The following IBTK variants were observed in gnomAD, a reference collection of about 807,000 sequenced individuals.
The protein encoded by IBTK is inhibitor of Bruton tyrosine kinase, also known as BTK-binding protein.
A neutral mutation model predicts 154.9 loss-of-function variants in IBTK; 83 were observed. The observed-to-expected ratio is 0.54, with a 90% confidence interval of 0.45 to 0.64. The LOEUF (loss-of-function observed/expected upper bound fraction) is 0.64, where lower values mean the gene tolerates loss of function less well. Ranked by LOEUF, IBTK falls within the 30% of genes least tolerant of loss-of-function variation. The pLI is 0.00. For synonymous variants in IBTK, 515 were observed against 536.1 expected (o/e 0.96, Z 0.54); for missense variants, 1,332 against 1,584.6 (o/e 0.84, Z 2.71).
At chr6:82,221,508 C>G (rs942106967) in intron 8 of IBTK, among the ~76,000 whole-genome samples, 1 of 152,140 alleles carries the variant, frequency 6.6e-6, no homozygotes, top group Non-Finnish European at 1.5e-5. Flanking sequence ...TTCAGTAACT[C>G]ATTCATTAGC....
intron 2 of IBTK, among the ~76,000 whole-genome samples, chr6:82,239,351 G>C (rs1013970125): frequency 6.6e-6 from 1 of 152,040 alleles, no homozygotes; most frequent in Admixed American, 6.6e-5. Context: ...GCTGGGGCAG[G>C]AGAATGGTGT....
chr6:82,181,524 G>A (rs1371808024), intron 26 of IBTK, among the ~76,000 whole-genome samples: 1 of 152,052 alleles, frequency 6.6e-6, no homozygotes, highest in Non-Finnish European at 1.5e-5. Context: ...CTTGGGAGGG[G>A]GAAACAGAAG....
At chr6:82,190,678 TATAA>T (rs1348362737) in intron 25 of IBTK, among the ~76,000 whole-genome samples, 2 of 152,180 alleles carry the variant, frequency 1.3e-5, no homozygotes, top group East Asian at 3.9e-4. Flanking sequence ...ATTAGCGTAG[TATAA>T]ATAAAGTTTT....
intron 17 of IBTK, among the ~76,000 whole-genome samples, chr6:82,203,221 T>C (rs995464723): frequency 2.0e-5 from 3 of 152,140 alleles, no homozygotes; most frequent in Admixed American, 1.3e-4. Context: ...AAAAATCTGA[T>C]ATACTGTGCA....
chr6:82,236,162 C>T lies in IBTK; in HGVS notation c.322-1907G>A, dbSNP rs189536272. The stretch of plus-strand genomic sequence containing the variant: ...GTGCTGGAATTACAGTTGTGAGCCA[C>T]CATGCCCGGCCATTGTTCATTAATT... On this transcript the variant is annotated intron_variant, in intron 2 of 28. Coordinates refer to ENST00000306270, the MANE Select transcript of IBTK (RefSeq NM_015525.4). Among the ~76,000 whole-genome samples the T allele has an allele frequency of 1.1e-3, 173 of 152,314 alleles. 1 individual carries two copies. The highest frequency in any genetic ancestry group is 4.1e-3 in the African/African-American group (171 of 41,570).
chr6:82,237,767 A>G (rs898679804), intron 2 of IBTK, among the ~76,000 whole-genome samples: 2 of 151,596 alleles, frequency 1.3e-5, no homozygotes, highest in Admixed American at 1.3e-4. Context: ...TATAATAAAA[A>G]TTATTCTTAT....
intron 18 of IBTK, among the ~76,000 whole-genome samples, chr6:82,201,882 C>T (rs369817196): frequency 2.0e-5 from 3 of 152,016 alleles, no homozygotes; most frequent in African/African-American, 2.4e-5. Flanking sequence ...CACACAATCA[C>T]GCTCGGCTAA....
rs1769932196 is a variant in IBTK, at chr6:82,217,952, G to T, written c.1426+8C>A. 1 of 1,574,152 alleles carries T rather than the reference G, an allele frequency of 6.4e-7. No homozygotes were observed. Among genetic ancestry groups the T allele is most frequent in the South Asian group, 1.2e-5 (1 of 84,648 alleles). On this transcript the variant is annotated splice_region_variant and intron_variant, in intron 10 of 28. Transcript: ENST00000306270. Reference sequence around the variant, plus strand: ...TACTTTTACGTATTGTTCAATATATGAACTGACCTTTCTTTTCAGAACTCT... The same window carrying T: ...TACTTTTACGTATTGTTCAATATATTAACTGACCTTTCTTTTCAGAACTCT...
At position 82,225,367 on chromosome 6, in the gene IBTK, G is replaced by A. The variant is rs1319827292; in HGVS notation, c.825+110C>T. ...GACAGTATATACCACTGAAGATAAA[G>A]TTAAATAACAGAAATAAAATAAGTT... On this transcript the variant is annotated intron_variant, in intron 6 of 28. Transcript: ENST00000306270. 21 of 719,238 alleles carry A rather than the reference G, an allele frequency of 2.9e-5. No individual in the cohort carries two copies. The African/African-American group carries it at 3.8e-4, about 13-fold the overall frequency. The allele number at this position is 719,238 out of a possible 1,614,324, so 44.6% of individuals were successfully genotyped here. A position where few individuals can be genotyped will look rare whatever the true frequency, so the allele number is the denominator to read the frequency against.
chr6:82,172,731 A>AT (rs1767970294), intron 27 of IBTK: 2 of 464,828 alleles, frequency 4.3e-6, no homozygotes, highest in Middle Eastern at 5.7e-4. Flanking sequence ...CAATGCTACA[A>AT]TTTTTTCCAG....
intron 26 of IBTK, chr6:82,174,805 C>G: frequency 2.8e-6 from 1 of 360,820 alleles, no homozygotes; most frequent in Non-Finnish European, 5.4e-6. Flanking sequence ...TATAATTTGT[C>G]TGATTAACAA....
chr6:82,245,530 C>T (rs1181586672), intron 1 of IBTK, among the ~76,000 whole-genome samples: 3 of 152,036 alleles, frequency 2.0e-5, no homozygotes, highest in Non-Finnish European at 4.4e-5. Context: ...GCACTCCAGC[C>T]TGAGCGACTG....
At chr6:82,204,809 C>T (rs1284528147) in intron 17 of IBTK, 48 bp downstream of exon 17, 1 of 1,176,880 alleles carries the variant, frequency 8.5e-7, no homozygotes, top group East Asian at 2.5e-5. Flanking sequence ...TACAGTAATC[C>T]TTGATGAACC....
chr6:82,231,991 A>T (rs183034783), intron 3 of IBTK, 149 bp from the exon 4 acceptor site: 58 of 511,214 alleles, frequency 1.1e-4, no homozygotes, highest in African/African-American at 8.1e-4. Flanking sequence ...AGAAAATCCA[A>T]ATCATAGTAC....
chr6:82,220,820 G>A, intron 8 of IBTK, 107 bp from the exon 9 acceptor site: 2 of 900,340 alleles, frequency 2.2e-6, no homozygotes, highest in Non-Finnish European at 3.2e-6. Flanking sequence ...CAATTATTGT[G>A]AAGGTGAAGT....
At chr6:82,188,341 T>C (rs1768631308) in intron 25 of IBTK, among the ~76,000 whole-genome samples, 1 of 152,244 alleles carries the variant, frequency 6.6e-6, no homozygotes, top group Admixed American at 6.5e-5. Flanking sequence ...TTTTGTTCAA[T>C]ATCATATTGG....
chr6:82,230,227 T>C (rs1770456319), intron 4 of IBTK, among the ~76,000 whole-genome samples: 3 of 152,218 alleles, frequency 2.0e-5, no homozygotes, highest in African/African-American at 7.2e-5. Flanking sequence ...AGTACTATAG[T>C]GATAAAAACA....
rs767840003 is a variant in IBTK at position 82,200,610 on chromosome 6, T to C, written c.2889A>G (p.Glu963=). The part of the protein sequence containing the change: ...VEDGDIFLKE[E]INMEQNHSET... The stretch of plus-strand genomic sequence containing the variant: ...ACGAATGATTTTGTTCCATATTTAT[T>C]TCTTCTTTCAAGAAGATATCTCCAT... Residue 963 remains glutamate (E), a synonymous_variant, in exon 20 of 29, where the codon GAA becomes GAG. Transcript: ENST00000306270. The C allele has an allele frequency of 4.4e-5, 69 of 1,576,760 alleles. No homozygotes were observed. Among genetic ancestry groups the C allele is most frequent in the Non-Finnish European group, 5.8e-5 (68 of 1,166,244 alleles).
chr6:82,225,770 T>C (rs1770274015), intron 5 of IBTK, 123 bp from the exon 6 acceptor site: 1 of 681,938 alleles, frequency 1.5e-6, no homozygotes, highest in Non-Finnish European at 2.3e-6. Context: ...GCTGTATCTA[T>C]CATAGGTAAA....
Sources: gnomAD v4.1 joint callset for allele counts (sites outside exome capture counted in the v4.1 genomes callset) on GRCh38, gnomAD v4.1.1 for gene constraint, MANE v1.5 for transcripts, NCBI Gene and HGNC (gene_info 2026-07-23, HGNC 2026-07-21) for gene names.